Variants in KMT2C observed in about 807,000 individuals in gnomAD.
KMT2C encodes histone-lysine N-methyltransferase 2C.
A neutral mutation model predicts 507.9 loss-of-function variants in KMT2C; 88 were observed. The observed-to-expected ratio is 0.17, with a 90% CI of 0.15 to 0.21. The LOEUF (loss-of-function observed/expected upper bound fraction) is 0.21. Among genes scored for constraint, KMT2C ranks in the 10% least tolerant of loss-of-function variants. KMT2C has a pLI of 1.00. For missense variants in KMT2C, 4,954 were observed against 5,957.8 expected (o/e 0.83, Z 5.55); for synonymous variants, 2,049 against 2,080.8 (o/e 0.98, Z 0.42).
At position 152,138,086 on chromosome 7, in the gene KMT2C, C is replaced by T. The variant is rs991992711; in HGVS notation, c.14643+710G>A. The T allele has an allele frequency of 2.0e-5, 3 of 152,226 alleles. No homozygotes were observed. Among genetic ancestry groups the T allele is most frequent in the African/African-American group, 7.2e-5 (3 of 41,446 alleles). The allele number at this position is 152,226 out of a possible 1,614,324, so 9.4% of individuals were successfully genotyped here. On this transcript the variant is annotated intron_variant, in intron 58 of 58. Coordinates refer to ENST00000262189, the MANE Select transcript of KMT2C (RefSeq NM_170606.3). This position sits in a 1 kb window ranked among gnomAD's most constrained non-coding sequence, Gnocchi z 4.2. ...TCCTACAGAAACCAAGCCTGCTGCT[C>T]AGTGACAGCTTTCCAGGAAATGCCA...
At chr7:152,368,907 T>TA (rs1272612400) in intron 1 of KMT2C, among the ~76,000 whole-genome samples, 5 of 152,228 alleles carry the variant, frequency 3.3e-5, no homozygotes, top group Non-Finnish European at 5.9e-5. Flanking sequence ...TTCTTTTTTT[T>TA]ATTAAACAGA....
rs1403667298 is a variant in KMT2C at position 152,136,664 on chromosome 7, G to A, written c.*168C>T. The A allele has an allele frequency of 6.7e-6, 4 of 597,336 alleles. No individual in the cohort carries two copies. Among genetic ancestry groups the A allele is most frequent in the East Asian group, 5.6e-5 (2 of 35,842 alleles). 37.0% of individuals were successfully genotyped at this position (597,336 alleles called of 1,614,324 possible). The stretch of plus-strand genomic sequence containing the variant: ...ACGCTGCTTCTGTCAGCTTCCTCCT[G>A]GCGCTGCTTTAACCTAAAGGACTGA... On this transcript the variant is annotated 3_prime_UTR_variant, in exon 59 of 59. Transcript: ENST00000262189.
At position 152,152,696 on chromosome 7, in the gene KMT2C, C is replaced by T. The variant is rs2129097420; in HGVS notation, c.12526+9G>A. On this transcript the variant is annotated intron_variant, in intron 49 of 58. Transcript: ENST00000262189. ...GGATTTGGGGTTAACAAAAAGCTCA[C>T]TAGCTCACCATTGCTTGTTGGAGGA... The T allele has an allele frequency of 6.2e-7, 1 of 1,613,026 alleles. No homozygotes were observed. The highest frequency in any genetic ancestry group is 1.7e-5 in the Admixed American group (1 of 60,014).
chr7:152,195,955 T>C lies in KMT2C; in HGVS notation c.4330A>G (p.Ile1444Val), dbSNP rs901769865. ...AGATCATCTGAAATTATTCCAAGAA[T>C]GTCATCATCTGTGTTTAAAACTTCA... is the stretch of plus-strand genomic sequence containing the variant. ...ISEVLNTDDDILGIISDDLAK... is the reference protein window; with the variant it reads ...ISEVLNTDDDVLGIISDDLAK... The change falls in exon 28 of 59, where the codon ATT becomes GTT. Residue 1444 changes from isoleucine to valine, a missense_variant. By Grantham distance (29) the Ile-to-Val change is conservative. Transcript: ENST00000262189. 1 of 1,610,632 alleles carries C rather than the reference T, an allele frequency of 6.2e-7. No homozygotes were observed. The highest frequency in any genetic ancestry group is 1.1e-5 in the South Asian group (1 of 90,816).
At chr7:152,147,902 T>A (rs746943817) in intron 52 of KMT2C, 131 bp downstream of exon 52, 1 of 989,590 alleles carries the variant, frequency 1.0e-6, no homozygotes, top group Middle Eastern at 3.2e-4. Context: ...ACATTGGCAT[T>A]TGTAAATGAA....
chr7:152,272,634 C>A (rs187616058), intron 7 of KMT2C, among the ~76,000 whole-genome samples: 21 of 152,204 alleles, frequency 1.4e-4, no homozygotes, highest in African/African-American at 3.9e-4. Flanking sequence ...AACTTTAAAT[C>A]CCTTATTAGC....
chr7:152,278,814 T>C (rs2096141600), intron 6 of KMT2C, among the ~76,000 whole-genome samples: 1 of 152,428 alleles, frequency 6.6e-6, no homozygotes. Context: ...TTAAAGTTTA[T>C]ACACCTAATA....
At chr7:152,156,571 G>C (rs1453573700) in intron 44 of KMT2C, among the ~76,000 whole-genome samples, 3 of 152,080 alleles carry the variant, frequency 2.0e-5, no homozygotes, top group Non-Finnish European at 2.9e-5. Context: ...ACTTTACCCA[G>C]CTTGACTACT....
rs775809939 is a variant in KMT2C at position 152,181,025 on chromosome 7, G to A, written c.6835C>T (p.Pro2279Ser). The change falls in exon 36 of 59, where the codon CCT becomes TCT. Residue 2279 changes from proline to serine, a missense_variant. Pro to Ser is a moderately conservative substitution (Grantham distance 74, BLOSUM62 -1). Coordinates refer to ENST00000262189, the MANE Select transcript of KMT2C (RefSeq NM_170606.3). Reference protein sequence around the residue: ...PDTCSQTPRPPGPGLSDTFSR... With the variant: ...PDTCSQTPRPSGPGLSDTFSR... ...AATGTGTCTGAAAGACCAGGTCCAG[G>A]GGGCCTAGGTGTCTGGGAACATGTA... The A allele has an allele frequency of 5.0e-6, 8 of 1,614,188 alleles. No individual in the cohort carries two copies. In the South Asian group the frequency reaches 8.8e-5, roughly 18 times the overall value.
At position 152,163,596 on chromosome 7, in the gene KMT2C, A is replaced by G; in HGVS notation, c.9981T>C (p.Val3327=). 1 of 1,605,154 alleles carries G rather than the reference A, an allele frequency of 6.2e-7. No homozygotes were observed. Among genetic ancestry groups the G allele is most frequent in the Non-Finnish European group, 8.5e-7 (1 of 1,174,614 alleles). Residue 3327 remains valine (V), a synonymous_variant, in exon 43 of 59, where the codon GTT becomes GTC. Transcript: ENST00000262189. ...GCCATCCAGGTAAACTGGGCATTCT[A>G]ACAGGGCTAGTATGGCCAGAAATAA... ...TTVISGHTSP[V]RMPSLPGWQP... is the part of the protein sequence containing the mutation.
At chr7:152,384,518 G>C (rs1465046349) in intron 1 of KMT2C, among the ~76,000 whole-genome samples, 1 of 128,710 alleles carries the variant, frequency 7.8e-6, no homozygotes, top group Non-Finnish European at 1.7e-5. Context: ...CAAGCTAAAT[G>C]CCTCTGCTAT....
intron 6 of KMT2C, among the ~76,000 whole-genome samples, chr7:152,292,312 G>A (rs1231914664): frequency 6.6e-6 from 1 of 152,116 alleles, no homozygotes; most frequent in South Asian, 2.1e-4. Context: ...TAAGATGCCA[G>A]GGCAATATGT....
chr7:152,203,591 T>G (rs933295599), intron 25 of KMT2C, among the ~76,000 whole-genome samples: 3 of 152,180 alleles, frequency 2.0e-5, no homozygotes, highest in African/African-American at 7.2e-5. Context: ...CAATGAACAC[T>G]TATTCTTGAA....
At chr7:152,320,985 A>G (rs2096768172) in intron 3 of KMT2C, among the ~76,000 whole-genome samples, 1 of 151,948 alleles carries the variant, frequency 6.6e-6, no homozygotes, top group South Asian at 2.1e-4. Flanking sequence ...TATAATTCCA[A>G]CACTTTAGGA....
chr7:152,199,136 T>A (rs1450195586), intron 27 of KMT2C, 143 bp downstream of exon 27: 3 of 627,648 alleles, frequency 4.8e-6, no homozygotes, highest in African/African-American at 1.9e-5. Context: ...ATAGTTCCAC[T>A]TACTGAATGT....
chr7:152,342,429 A>C (rs950820406), intron 2 of KMT2C, among the ~76,000 whole-genome samples: 3 of 152,306 alleles, frequency 2.0e-5, no homozygotes, highest in Admixed American at 6.5e-5. Context: ...CTGGCTTACC[A>C]AATTAGAAAA....
At chr7:152,191,881 C>A (rs2093805123) in intron 31 of KMT2C, among the ~76,000 whole-genome samples, 1 of 152,100 alleles carries the variant, frequency 6.6e-6, no homozygotes, top group African/African-American at 2.4e-5. Flanking sequence ...CAAACAAGAA[C>A]AATGAAATCT....
intron 2 of KMT2C, among the ~76,000 whole-genome samples, chr7:152,332,887 C>CACACAG (rs2096897163): frequency 6.6e-6 from 1 of 151,172 alleles, no homozygotes; most frequent in African/African-American, 2.4e-5. Context: ...CACACACACA[C>CACACAG]ACACAAATTA....
chr7:152,411,522 T>C (rs1003637308), intron 1 of KMT2C, among the ~76,000 whole-genome samples: 16 of 151,060 alleles, frequency 1.1e-4, no homozygotes, highest in Non-Finnish European at 2.1e-4. Flanking sequence ...ACACCATCTA[T>C]GAGAAAGAGG....
Sources: allele counts gnomAD v4.1 joint callset (sites outside exome capture counted in the v4.1 genomes callset), GRCh38; gene constraint gnomAD v4.1.1; non-coding constraint Gnocchi (gnomAD v3.1); transcripts MANE v1.5; gene names NCBI Gene and HGNC (gene_info 2026-07-23, HGNC 2026-07-21).